TBC1D22B: variants seen among roughly 807,000 people sequenced by gnomAD.
TBC1D22B encodes chromosome 6 open reading frame 197.
Under a neutral mutation model 69.1 loss-of-function variants are expected in TBC1D22B, and 32 were observed. That is an observed-to-expected ratio of 0.46 (90% CI 0.35 to 0.62). TBC1D22B has a LOEUF of 0.62. Among genes scored for constraint, TBC1D22B ranks in the 20% least tolerant of loss-of-function variants. The pLI is 0.00. For synonymous variants in TBC1D22B, 206 were observed against 229.8 expected (o/e 0.90, Z 0.94); for missense variants, 462 against 630.9 (o/e 0.73, Z 2.87).
intron 10 of TBC1D22B, among the ~76,000 whole-genome samples, chr6:37,315,256 G>A (rs1383164235): frequency 6.6e-6 from 1 of 152,114 alleles, no homozygotes; most frequent in South Asian, 2.1e-4. Context: ...CATTGTAGAA[G>A]TAATACTTCC....
chr6:37,290,334 C>CA (rs1767136530), intron 7 of TBC1D22B, among the ~76,000 whole-genome samples: 1 of 152,140 alleles, frequency 6.6e-6, no homozygotes, highest in African/African-American at 2.4e-5. Context: ...GCAGCCCAGT[C>CA]AAAGCCAGTC....
chr6:37,293,181 G>T (rs1438599632), intron 8 of TBC1D22B, among the ~76,000 whole-genome samples: 1 of 151,586 alleles, frequency 6.6e-6, no homozygotes, highest in Non-Finnish European at 1.5e-5. Context: ...GGGTTCAAGC[G>T]ATTCTTGTGC....
At position 37,287,084 on chromosome 6, in the gene TBC1D22B, A is replaced by G; in HGVS notation, c.867+12A>G. ...CACTTGTACAGGAGGTGAGGGAATT[A>G]CTTAATGTTCTTTGGCGCTTCTCCC... is the stretch of plus-strand genomic sequence containing the variant. On this transcript the variant is annotated intron_variant, in intron 7 of 12. Coordinates refer to ENST00000373491, the MANE Select transcript of TBC1D22B (RefSeq NM_017772.4). 6.3e-7 allele frequency: 1 copy of G among 1,590,648 alleles called. No individual in the cohort carries two copies. Among genetic ancestry groups the G allele is most frequent in the Non-Finnish European group, 8.5e-7 (1 of 1,171,432 alleles).
In TBC1D22B at chr6:37,325,248, G is replaced by A. The variant is rs1030652202; in HGVS notation, c.1390-5796G>A. Among the ~76,000 whole-genome samples, 3 of 151,980 alleles carry A rather than the reference G, an allele frequency of 2.0e-5. No homozygotes were observed. The East Asian group carries it at 5.8e-4, about 29-fold the overall frequency. On this transcript the variant is annotated intron_variant, in intron 12 of 12. Coordinates refer to ENST00000373491, the MANE Select transcript of TBC1D22B (RefSeq NM_017772.4). ...GTGTGAATTTTCAGCAGGTACCTGTGCCTGGCCCTTTTCTGCTATTTCAGC... is the reference window on the plus strand; with the variant it reads ...GTGTGAATTTTCAGCAGGTACCTGTACCTGGCCCTTTTCTGCTATTTCAGC...
At chr6:37,291,946 C>T (rs2113753659) in intron 8 of TBC1D22B, among the ~76,000 whole-genome samples, 1 of 152,178 alleles carries the variant, frequency 6.6e-6, no homozygotes, top group East Asian at 1.9e-4. Context: ...CAGCCTCTGC[C>T]AGCCAGCCTA....
intron 8 of TBC1D22B, among the ~76,000 whole-genome samples, chr6:37,308,916 C>T (rs1767818463): frequency 1.4e-5 from 2 of 148,140 alleles, no homozygotes; most frequent in Non-Finnish European, 3.0e-5. Flanking sequence ...CAAGACCAGC[C>T]TAGGCAATAT....
chr6:37,316,728 G>T lies in TBC1D22B; in HGVS notation c.1191G>T (p.Arg397Ser). ...IDEQVHNHFR[R>S]YEVEYLQFAF... ...AGCAGGTACATAATCACTTCAGGAG[G>T]TACGAGGTAGAATACCTGCAGTTTG... Residue 397 changes from arginine (R) to serine (S), a missense_variant, in exon 11 of 13, where the codon AGG becomes AGT. This residue lies in a region of TBC1D22B where 225 missense variants were observed against 375.4 expected (regional missense o/e 0.60). Transcript: ENST00000373491. 6.2e-7 allele frequency: 1 copy of T among 1,614,192 alleles called. No individual in the cohort carries two copies. The highest frequency in any genetic ancestry group is 8.5e-7 in the Non-Finnish European group (1 of 1,180,032).
Position 37,286,949 on chromosome 6 carries a change from A to C in TBC1D22B, c.802-58A>C, listed in dbSNP as rs1392220757. 4 of 1,536,520 alleles carry C rather than the reference A, an allele frequency of 2.6e-6. No individual in the cohort carries two copies. The African/African-American group carries it at 4.2e-5, about 16-fold the overall frequency. Reference sequence around the variant, plus strand: ...ACAAGAGCGAGACTTCATCTCAAAAAAACAAAAACAAAAAAAAACTGGCAT... The same window carrying C: ...ACAAGAGCGAGACTTCATCTCAAAACAACAAAAACAAAAAAAAACTGGCAT... On this transcript the variant is annotated intron_variant, in intron 6 of 12. Coordinates refer to ENST00000373491, the MANE Select transcript of TBC1D22B (RefSeq NM_017772.4).
chr6:37,310,351 G>T (rs1767867146), intron 8 of TBC1D22B, among the ~76,000 whole-genome samples: 1 of 151,828 alleles, frequency 6.6e-6, no homozygotes, highest in Non-Finnish European at 1.5e-5. Context: ...AAAGAAAAAT[G>T]ATATTTCTTG....
intron 8 of TBC1D22B, among the ~76,000 whole-genome samples, chr6:37,306,002 G>T (rs546008540): frequency 6.6e-6 from 1 of 152,216 alleles, no homozygotes; most frequent in African/African-American, 2.4e-5. Context: ...AGCCTCCCAT[G>T]TGATAGGCAG....
chr6:37,307,722 G>T (rs72851396), intron 8 of TBC1D22B, among the ~76,000 whole-genome samples: 8 of 152,092 alleles, frequency 5.3e-5, no homozygotes, highest in Non-Finnish European at 1.0e-4. Flanking sequence ...ACAAGGACCC[G>T]AATCAGGTAA....
intron 12 of TBC1D22B, among the ~76,000 whole-genome samples, chr6:37,327,974 A>G (rs1335091143): frequency 2.6e-5 from 4 of 151,788 alleles, no homozygotes; most frequent in African/African-American, 4.8e-5. Context: ...GGAAATGGGC[A>G]TTTTTCTGGA....
chr6:37,298,866 C>T (rs891880392), intron 8 of TBC1D22B, among the ~76,000 whole-genome samples: 1 of 152,122 alleles, frequency 6.6e-6, no homozygotes, highest in Non-Finnish European at 1.5e-5. Flanking sequence ...CAGTTTTTAG[C>T]TGTTATAAGT....
chr6:37,303,805 C>T (rs1419268094), intron 8 of TBC1D22B, among the ~76,000 whole-genome samples: 1 of 152,180 alleles, frequency 6.6e-6, no homozygotes, highest in Non-Finnish European at 1.5e-5. Flanking sequence ...TCCTAGAAGC[C>T]TTCCCTGGGG....
chr6:37,316,731 C>T lies in TBC1D22B; in HGVS notation c.1194C>T (p.Tyr398=), dbSNP rs576288878. 5.0e-6 allele frequency: 8 copies of T among 1,614,202 alleles called. No individual in the cohort carries two copies. The East Asian group carries it at 6.7e-5, about 13-fold the overall frequency. ...AGGTACATAATCACTTCAGGAGGTA[C>T]GAGGTAGAATACCTGCAGTTTGCCT... ...DEQVHNHFRR[Y]EVEYLQFAFR... The change falls in exon 11 of 13, where the codon TAC becomes TAT. Residue 398 remains tyrosine (Y), a synonymous_variant. Coordinates refer to ENST00000373491, the MANE Select transcript of TBC1D22B (RefSeq NM_017772.4).
At chr6:37,296,951 C>T (rs60924029) in intron 8 of TBC1D22B, among the ~76,000 whole-genome samples, 4,835 of 152,092 alleles carry the variant, frequency 0.032, 241 homozygotes, top group African/African-American at 0.11. Context: ...TTCAGCCTCC[C>T]AAGTAGTTGG....
At chr6:37,258,521 T>C (rs1765928627) in intron 1 of TBC1D22B, among the ~76,000 whole-genome samples, 1 of 152,154 alleles carries the variant, frequency 6.6e-6, no homozygotes, top group South Asian at 2.1e-4. Flanking sequence ...CCTTTCCCAC[T>C]AGGAATTATT....
chr6:37,318,869 G>A (rs1768159701), intron 12 of TBC1D22B, among the ~76,000 whole-genome samples: 1 of 152,132 alleles, frequency 6.6e-6, no homozygotes, highest in African/African-American at 2.4e-5. Context: ...TTGCTTTTAT[G>A]CTTTGCACGT....
intron 8 of TBC1D22B, among the ~76,000 whole-genome samples, chr6:37,304,591 C>T (rs556476601): frequency 3.9e-5 from 6 of 152,032 alleles, no homozygotes; most frequent in Middle Eastern, 6.8e-3. Flanking sequence ...TTATCTATGG[C>T]GATAGAAATG....
Sources: gnomAD v4.1 joint callset for allele counts (sites outside exome capture counted in the v4.1 genomes callset) on GRCh38, gnomAD v4.1.1 for gene constraint, gnomAD v4.1.1 regional missense constraint, MANE v1.5 for transcripts, NCBI Gene and HGNC (gene_info 2026-07-23, HGNC 2026-07-21) for gene names.